The following POLN variants were observed in gnomAD, a reference collection of about 807,000 sequenced individuals.
POLN encodes DNA polymerase nu.
In POLN, 108 loss-of-function variants were observed where a neutral mutation model predicts 113.5. That is an observed-to-expected ratio of 0.95 (90% CI 0.81 to 1.12). POLN has a LOEUF of 1.12. POLN is among the 50% of genes most tolerant of loss of function. POLN has a pLI of 0.00. For synonymous variants in POLN, 386 were observed against 391.5 expected (o/e 0.99, Z 0.17); for missense variants, 1,097 against 1,077.1 (o/e 1.02, Z -0.26).
At chr4:2,217,009 T>C (rs1264879721) in intron 3 of POLN, among the ~76,000 whole-genome samples, 1 of 152,176 alleles carries the variant, frequency 6.6e-6, no homozygotes, top group Non-Finnish European at 1.5e-5. Flanking sequence ...AGTCATCCTA[T>C]TAATGTGGTG....
chr4:2,167,702 C>T (rs1732762934), intron 13 of POLN, among the ~76,000 whole-genome samples: 1 of 152,072 alleles, frequency 6.6e-6, no homozygotes, highest in African/African-American at 2.4e-5. Context: ...AGTTTGAGAC[C>T]AGCCTGGCCA....
intron 20 of POLN, 98 bp downstream of exon 20, chr4:2,095,753 C>T (rs1347075136): frequency 9.1e-7 from 1 of 1,103,318 alleles, no homozygotes; most frequent in African/African-American, 1.5e-5. Context: ...CCCAGGGACT[C>T]ACAGACGATT....
At chr4:2,218,167 C>T (rs936776489) in intron 3 of POLN, among the ~76,000 whole-genome samples, 2 of 151,548 alleles carry the variant, frequency 1.3e-5, no homozygotes, top group African/African-American at 2.4e-5. Context: ...CGTGGTGGCT[C>T]ATGCCTGTAA....
intron 25 of POLN, 90 bp from the exon 26 acceptor site, chr4:2,072,389 G>C (rs948339898): frequency 2.0e-5 from 20 of 1,013,078 alleles, no homozygotes; most frequent in Middle Eastern, 3.2e-4. Context: ...AGGGCCTACA[G>C]CACACAGGTG....
intron 19 of POLN, among the ~76,000 whole-genome samples, chr4:2,103,406 A>T (rs1368396869): frequency 2.0e-5 from 3 of 152,118 alleles, no homozygotes; most frequent in African/African-American, 4.8e-5. Context: ...CACTAAGAAA[A>T]ATTAAAGAAA....
At chr4:2,190,847 C>T (rs755606964) in intron 7 of POLN, among the ~76,000 whole-genome samples, 1 of 152,132 alleles carries the variant, frequency 6.6e-6, no homozygotes, top group Non-Finnish European at 1.5e-5. Flanking sequence ...TTTAAAACGA[C>T]TTTCATCAAA....
chr4:2,197,807 A>G lies in POLN; in HGVS notation c.908+717T>C, dbSNP rs150919779. Among the ~76,000 whole-genome samples the G allele has an allele frequency of 2.4e-3, 371 of 152,338 alleles. 1 individual carries two copies. Among genetic ancestry groups the G allele is most frequent in the African/African-American group, 8.5e-3 (353 of 41,578 alleles). On this transcript the variant is annotated intron_variant, in intron 6 of 25. Coordinates refer to ENST00000511885, the MANE Select transcript of POLN (RefSeq NM_181808.4). ...ATGGACAGGCTAGTAACGGGGCCCAACTTCCTCCGGAGCTGCCTTGATTGC... is the reference window on the plus strand; with the variant it reads ...ATGGACAGGCTAGTAACGGGGCCCAGCTTCCTCCGGAGCTGCCTTGATTGC...
At chr4:2,168,952 T>C (rs1305749698) in intron 13 of POLN, among the ~76,000 whole-genome samples, 2 of 151,892 alleles carry the variant, frequency 1.3e-5, no homozygotes, top group Admixed American at 1.3e-4. Flanking sequence ...TAGTGGTGAG[T>C]TGTGTGCAGA....
chr4:2,169,401 G>A (rs1732805856), intron 13 of POLN, among the ~76,000 whole-genome samples: 2 of 152,172 alleles, frequency 1.3e-5, no homozygotes, highest in African/African-American at 4.8e-5. Context: ...AAGGAGGCAT[G>A]CTCAGGACCT....
intron 5 of POLN, among the ~76,000 whole-genome samples, chr4:2,203,510 G>A (rs1306436183): frequency 6.6e-6 from 1 of 151,408 alleles, no homozygotes; most frequent in African/African-American, 2.4e-5. Context: ...AACCTGGGAG[G>A]CAGAGGTTGC....
chr4:2,110,148 A>G (rs1363418303), intron 19 of POLN, among the ~76,000 whole-genome samples: 3 of 152,248 alleles, frequency 2.0e-5, no homozygotes, highest in East Asian at 3.8e-4. Context: ...TCCTGGGTAC[A>G]TAACGAAATG....
chr4:2,174,670 T>G lies in POLN; in HGVS notation c.1309+21A>C, dbSNP rs916267712. 8.8e-6 allele frequency: 14 copies of G among 1,585,548 alleles called. No individual in the cohort carries two copies. The African/African-American group carries it at 1.6e-4, about 18-fold the overall frequency. ...GAACCCTCTAGAAAAATGGCTGTAC[T>G]TCATCTTTATGGTAACTTACCTGCC... On this transcript the variant is annotated intron_variant, in intron 10 of 25. Coordinates refer to ENST00000511885, the MANE Select transcript of POLN (RefSeq NM_181808.4).
chr4:2,217,579 T>C (rs888331363), intron 3 of POLN, among the ~76,000 whole-genome samples: 1 of 151,966 alleles, frequency 6.6e-6, no homozygotes, highest in African/African-American at 2.4e-5. Flanking sequence ...GATGTCACCA[T>C]GGCCTCACGC....
chr4:2,207,846 A>G (rs1733890412), intron 5 of POLN, 141 bp downstream of exon 5: 4 of 929,078 alleles, frequency 4.3e-6, no homozygotes, highest in Non-Finnish European at 6.3e-6. Flanking sequence ...ATGGGAGCAT[A>G]CATTGTCAAT....
chr4:2,123,624 C>CAAA (rs771462226), intron 19 of POLN, among the ~76,000 whole-genome samples: 666 of 54,736 alleles, frequency 0.012, 9 homozygotes, highest in Non-Finnish European at 0.019. Context: ...GACCCTGTCT[C>CAAA]AAAAAAAAAA....
At chr4:2,174,316 C>T (rs962286571) in intron 10 of POLN, among the ~76,000 whole-genome samples, 3 of 152,346 alleles carry the variant, frequency 2.0e-5, no homozygotes, top group African/African-American at 2.4e-5. Context: ...TCAGGACCTG[C>T]GGTCAAAGGC....
chr4:2,081,049 T>C lies in POLN; in HGVS notation c.2309-13A>G. ...TCAGCAGCGGAGCCTATGGGGCGCG[T>C]GGTACTGTCTTGAGGTCCCATGGCA... is the stretch of plus-strand genomic sequence containing the variant. On this transcript the variant is annotated splice_polypyrimidine_tract_variant and intron_variant, in intron 22 of 25. Transcript: ENST00000511885. 1 of 1,613,418 alleles carries C rather than the reference T, an allele frequency of 6.2e-7. No individual in the cohort carries two copies. The highest frequency in any genetic ancestry group is 8.5e-7 in the Non-Finnish European group (1 of 1,179,952).
chr4:2,113,669 C>T (rs1203806000), intron 19 of POLN, among the ~76,000 whole-genome samples: 1 of 151,184 alleles, frequency 6.6e-6, no homozygotes, highest in East Asian at 1.9e-4. Context: ...GCCAGCCTGG[C>T]CAACATGGAG....
chr4:2,132,995 G>A (rs547843349), intron 16 of POLN, among the ~76,000 whole-genome samples: 1 of 152,228 alleles, frequency 6.6e-6, no homozygotes, highest in South Asian at 2.1e-4. Context: ...ATTTGAAGTG[G>A]TAGAATATGA....
Sources: gnomAD v4.1 joint callset for allele counts (sites outside exome capture counted in the v4.1 genomes callset) on GRCh38, gnomAD v4.1.1 for gene constraint, MANE v1.5 for transcripts, NCBI Gene and HGNC (gene_info 2026-07-23, HGNC 2026-07-21) for gene names.